Variants in COMMD1 observed in about 807,000 individuals in gnomAD.
COMMD1 encodes copper metabolism domain containing 1, also known as COMM domain-containing protein 1.
In COMMD1, 10 loss-of-function variants were observed where a neutral mutation model predicts 17.2. The observed-to-expected ratio is 0.58, with a 90% CI of 0.36 to 0.99. COMMD1 has a LOEUF of 0.99. Among genes scored for constraint, COMMD1 ranks in the 50% least tolerant of loss-of-function variants. COMMD1 has a pLI of 0.01. For synonymous variants in COMMD1, 97 were observed against 91.6 expected, an observed-to-expected ratio of 1.06 and a Z score of -0.34; for missense variants, 270 against 231.8, an observed-to-expected ratio of 1.17 and a Z score of -1.07.
At chr2:62,127,938 C>T (rs1213044339) in intron 2 of COMMD1, among the ~76,000 whole-genome samples, 2 of 150,536 alleles carry the variant, frequency 1.3e-5, no homozygotes, top group African/African-American at 2.5e-5. Flanking sequence ...AGGAGAATTG[C>T]TTGAACCCAG....
At chr2:61,928,345 G>C (rs59619261) in intron 1 of COMMD1, among the ~76,000 whole-genome samples, 1 of 151,992 alleles carries the variant, frequency 6.6e-6, no homozygotes, top group African/African-American at 2.4e-5. Context: ...ATTTTTAGTA[G>C]AGACAGGGTT....
intron 2 of COMMD1, among the ~76,000 whole-genome samples, chr2:62,129,860 G>A (rs1672977661): frequency 6.6e-6 from 1 of 152,168 alleles, no homozygotes; most frequent in Non-Finnish European, 1.5e-5. Context: ...TAGGCTTTAT[G>A]GCCAAAGTTT....
intron 1 of COMMD1, among the ~76,000 whole-genome samples, chr2:61,898,669 A>G (rs994604088): frequency 6.6e-5 from 10 of 152,102 alleles, no homozygotes; most frequent in Non-Finnish European, 1.5e-4. Flanking sequence ...AACCTCATTA[A>G]AAAAACACCT....
intron 2 of COMMD1, among the ~76,000 whole-genome samples, chr2:62,081,986 C>T (rs879236937): frequency 2.6e-5 from 4 of 151,982 alleles, no homozygotes; most frequent in African/African-American, 4.8e-5. Flanking sequence ...GAGTGTAAGT[C>T]GGGAATCTAA....
chr2:62,108,746 C>T (rs531615221), intron 2 of COMMD1, among the ~76,000 whole-genome samples: 14 of 152,218 alleles, frequency 9.2e-5, no homozygotes, highest in African/African-American at 3.1e-4. Context: ...AATCATTCTG[C>T]GAAGGTGGCA....
chr2:62,023,751 C>T (rs1669677629), intron 2 of COMMD1, among the ~76,000 whole-genome samples: 1 of 152,166 alleles, frequency 6.6e-6, no homozygotes, highest in Non-Finnish European at 1.5e-5. Context: ...TCCCAAAGTG[C>T]TGGGATTACA....
intron 1 of COMMD1, among the ~76,000 whole-genome samples, chr2:61,926,096 G>A (rs1292292778): frequency 6.6e-6 from 1 of 151,868 alleles, no homozygotes; most frequent in South Asian, 2.1e-4. Context: ...TCAGCCTCCC[G>A]AGTAGCTGGG....
intron 2 of COMMD1, among the ~76,000 whole-genome samples, chr2:62,036,054 T>TCACA (rs70946776): frequency 0.023 from 3,249 of 143,364 alleles, 38 homozygotes; most frequent in South Asian, 0.032. Flanking sequence ...ACCCTGTCTC[T>TCACA]CACACACACA....
chr2:61,969,708 A>C (rs1671596912), intron 1 of COMMD1, among the ~76,000 whole-genome samples: 1 of 152,154 alleles, frequency 6.6e-6, no homozygotes, highest in African/African-American at 2.4e-5. Flanking sequence ...TGGAAATTGG[A>C]GAAGTGCATA....
intron 1 of COMMD1, among the ~76,000 whole-genome samples, chr2:61,981,483 T>C (rs941053601): frequency 7.9e-5 from 12 of 152,220 alleles, no homozygotes; most frequent in Admixed American, 7.9e-4. Flanking sequence ...GGGTTCTCTA[T>C]TCTGTTCCAC....
At chr2:62,021,884 G>A (rs1039130427) in intron 2 of COMMD1, among the ~76,000 whole-genome samples, 10 of 152,120 alleles carry the variant, frequency 6.6e-5, no homozygotes, top group African/African-American at 2.4e-4. Flanking sequence ...TTTAACATCA[G>A]GGTTAAACTC....
intron 2 of COMMD1, among the ~76,000 whole-genome samples, chr2:62,133,075 A>G (rs1673088044): frequency 6.6e-6 from 1 of 152,182 alleles, no homozygotes; most frequent in Admixed American, 6.5e-5. Flanking sequence ...AAACTTGGCA[A>G]AGTTTCTAAG....
rs893273386 is a variant in COMMD1, at chr2:61,888,793, G to C, written n.70G>C. On this transcript the variant is annotated non_coding_transcript_exon_variant, in exon 1 of 3. Coordinates refer to the COMMD1 transcript ENST00000472729. ...GCGCTGTGGGTGAAGAGCGCCGGGG[G>C]AACCTTTACGCGAGGCAGCAATGAC... The C allele has an allele frequency of 6.2e-6, 3 of 481,002 alleles. No individual in the cohort carries two copies. In the Admixed American group the frequency reaches 1.2e-4, roughly 19 times the overall value. The allele number at this position is 481,002 out of a possible 1,614,324, so 29.8% of individuals were successfully genotyped here. A position where few individuals can be genotyped will look rare whatever the true frequency, so the allele number is the denominator to read the frequency against.
intron 1 of COMMD1, among the ~76,000 whole-genome samples, chr2:61,941,653 G>T (rs1016614928): frequency 6.6e-6 from 1 of 152,194 alleles, no homozygotes; most frequent in African/African-American, 2.4e-5. Context: ...TAGGCTGGTT[G>T]TTGTCTCAGG....
intron 2 of COMMD1, among the ~76,000 whole-genome samples, chr2:62,012,035 G>T (rs1041225001): frequency 5.3e-5 from 8 of 152,016 alleles, no homozygotes; most frequent in African/African-American, 1.7e-4. Context: ...ATCATTTGAG[G>T]TCAGGAGTTT....
intron 1 of COMMD1, among the ~76,000 whole-genome samples, chr2:61,918,918 T>G (rs1234615609): frequency 6.6e-6 from 1 of 152,236 alleles, no homozygotes; most frequent in Non-Finnish European, 1.5e-5. Context: ...TGGTTCATCT[T>G]TGACAAAAAT....
chr2:62,051,166 T>C (rs1444511307), intron 2 of COMMD1, among the ~76,000 whole-genome samples: 1 of 152,120 alleles, frequency 6.6e-6, no homozygotes, highest in Non-Finnish European at 1.5e-5. Flanking sequence ...AATTATATTT[T>C]ATTTATTTAC....
At chr2:61,895,415 GTGC>G (rs1669531375) in intron 1 of COMMD1, among the ~76,000 whole-genome samples, 2 of 152,142 alleles carry the variant, frequency 1.3e-5, no homozygotes, top group Non-Finnish European at 2.9e-5. Flanking sequence ...CTTGGAAATG[GTGC>G]TACCTCCCTG....
chr2:61,908,768 C>A (rs1669835083), intron 1 of COMMD1, among the ~76,000 whole-genome samples: 1 of 151,404 alleles, frequency 6.6e-6, no homozygotes, highest in Non-Finnish European at 1.5e-5. Context: ...GGGGTTTCAC[C>A]ATCTTGGCCA....
Sources: allele counts gnomAD v4.1 joint callset (sites outside exome capture counted in the v4.1 genomes callset), GRCh38; gene constraint gnomAD v4.1.1; transcripts MANE v1.5; gene names NCBI Gene and HGNC (gene_info 2026-07-23, HGNC 2026-07-21).